OPCML: variants seen among roughly 807,000 people sequenced by gnomAD.
The protein encoded by OPCML is opioid binding protein/cell adhesion molecule like.
A neutral mutation model predicts 37.8 loss-of-function variants in OPCML; 13 were observed. The ratio of observed to expected loss-of-function variants is 0.34; its 90% CI spans 0.22 to 0.55. The LOEUF (loss-of-function observed/expected upper bound fraction) is 0.55, where lower values mean the gene tolerates loss of function less well. OPCML is among the 20% of genes least tolerant of loss of function. OPCML has a pLI of 0.91. For missense variants in OPCML, 341 were observed against 435.6 expected, an observed-to-expected ratio of 0.78 and a Z score of 1.93; for synonymous variants, 176 against 168.8, an observed-to-expected ratio of 1.04 and a Z score of -0.33.
At chr11:133,089,121 A>G (rs986494695) in intron 1 of OPCML, among the ~76,000 whole-genome samples, 1 of 152,244 alleles carries the variant, frequency 6.6e-6, no homozygotes, top group African/African-American at 2.4e-5. Flanking sequence ...AGTGCCAAAA[A>G]GGAGCAGCTG....
chr11:132,670,158 C>G (rs139846022), intron 2 of OPCML, among the ~76,000 whole-genome samples: 1 of 152,150 alleles, frequency 6.6e-6, no homozygotes. Context: ...TTACTCACGA[C>G]CATGTCTGTC....
At chr11:132,769,255 T>C (rs1946560913) in intron 2 of OPCML, among the ~76,000 whole-genome samples, 1 of 151,464 alleles carries the variant, frequency 6.6e-6, no homozygotes, top group African/African-American at 2.4e-5. Flanking sequence ...TTTTTTTTTT[T>C]GAGACGGAGT....
intron 2 of OPCML, among the ~76,000 whole-genome samples, chr11:132,765,214 C>T (rs928157883): frequency 5.3e-5 from 8 of 152,180 alleles, no homozygotes; most frequent in African/African-American, 1.4e-4. Context: ...TGACCTCATC[C>T]ACAGTCTTGT....
At chr11:133,291,640 T>A (rs1036660287) in intron 1 of OPCML, among the ~76,000 whole-genome samples, 11 of 152,242 alleles carry the variant, frequency 7.2e-5, no homozygotes, top group Non-Finnish European at 1.5e-4. Context: ...GCTTCTTATT[T>A]TTTTGGCAAA....
At chr11:132,999,305 A>G (rs1438589677) in intron 1 of OPCML, among the ~76,000 whole-genome samples, 1 of 151,026 alleles carries the variant, frequency 6.6e-6, no homozygotes, top group Non-Finnish European at 1.5e-5. Context: ...TAGCAATGAC[A>G]CTGCCGTTTC....
At position 132,473,109 on chromosome 11, in the gene OPCML, C is replaced by A. The variant is rs1260435044; in HGVS notation, c.506-35750G>T. On this transcript the variant is annotated intron_variant, in intron 4 of 7. Transcript: ENST00000524381. ...GGCAATGAAAAATTCTCATTCAAATCAGTCAACTCTTCCATTAAGGACAAG... is the reference window on the plus strand; with the variant it reads ...GGCAATGAAAAATTCTCATTCAAATAAGTCAACTCTTCCATTAAGGACAAG... Among the ~76,000 whole-genome samples, 4 of 152,212 alleles carry A rather than the reference C, an allele frequency of 2.6e-5. No individual in the cohort carries two copies. In the East Asian group the frequency reaches 7.7e-4, roughly 29 times the overall value.
At chr11:133,198,018 T>C (rs1434118812) in intron 1 of OPCML, among the ~76,000 whole-genome samples, 3 of 152,212 alleles carry the variant, frequency 2.0e-5, no homozygotes, top group Non-Finnish European at 4.4e-5. Context: ...ATTTTCAAGG[T>C]ACTCCTTCCC....
At chr11:133,075,193 G>A (rs1358403053) in intron 1 of OPCML, among the ~76,000 whole-genome samples, 1 of 152,180 alleles carries the variant, frequency 6.6e-6, no homozygotes, top group African/African-American at 2.4e-5. Flanking sequence ...TATTGACACT[G>A]ACAGATATCA....
At chr11:132,490,828 A>G (rs2096213474) in intron 4 of OPCML, among the ~76,000 whole-genome samples, 1 of 151,842 alleles carries the variant, frequency 6.6e-6, no homozygotes, top group Non-Finnish European at 1.5e-5. Flanking sequence ...AAGAAAAAAA[A>G]AAAAAAGAAA....
intron 2 of OPCML, among the ~76,000 whole-genome samples, chr11:132,737,217 A>G (rs1945289030): frequency 6.6e-6 from 1 of 152,164 alleles, no homozygotes; most frequent in Non-Finnish European, 1.5e-5. Context: ...TAGAAAGCGT[A>G]GTAAAATTAG....
intron 1 of OPCML, among the ~76,000 whole-genome samples, chr11:133,269,898 T>A (rs1941775241): frequency 6.6e-6 from 1 of 152,194 alleles, no homozygotes; most frequent in South Asian, 2.1e-4. Flanking sequence ...ATGAAAGAAA[T>A]GAATAAAAAG....
chr11:133,244,905 TGAG>T (rs2136419692), intron 1 of OPCML, among the ~76,000 whole-genome samples: 1 of 152,306 alleles, frequency 6.6e-6, no homozygotes, highest in African/African-American at 2.4e-5. Flanking sequence ...TAATACAGCC[TGAG>T]AAGGTCTGAG....
chr11:133,257,844 C>A (rs563291980), intron 1 of OPCML, among the ~76,000 whole-genome samples: 12 of 145,074 alleles, frequency 8.3e-5, no homozygotes, highest in South Asian at 2.2e-4. Flanking sequence ...CCTTGTCTTT[C>A]TATCTTTTTT....
chr11:132,640,763 G>A (rs772435953), intron 3 of OPCML, among the ~76,000 whole-genome samples: 1 of 152,160 alleles, frequency 6.6e-6, no homozygotes, highest in African/African-American at 2.4e-5. Flanking sequence ...AAGTGGGAAA[G>A]CCTGAGCTCA....
rs1945387744 is a variant in OPCML at position 133,400,831 on chromosome 11, A to C, written c.61+131433T>G. Among the ~76,000 whole-genome samples, 4 of 152,120 alleles carry C rather than the reference A, an allele frequency of 2.6e-5. No homozygotes were observed. In the South Asian group the frequency reaches 8.3e-4, roughly 32 times the overall value. ...TGCCATGACTCAAGTTGGGATCCTA[A>C]GGTAGTAGGTTCCTGAGAAAGCTGC... On this transcript the variant is annotated intron_variant, in intron 1 of 7. Coordinates refer to ENST00000524381, the MANE Select transcript of OPCML (RefSeq NM_001012393.5).
intron 1 of OPCML, among the ~76,000 whole-genome samples, chr11:133,183,777 T>C (rs1363167476): frequency 5.3e-5 from 8 of 152,206 alleles, no homozygotes; most frequent in Non-Finnish European, 4.4e-5. Flanking sequence ...CAGTATGGTT[T>C]AGTGCCAACA....
chr11:133,116,036 C>T (rs928455259), intron 1 of OPCML, among the ~76,000 whole-genome samples: 1 of 152,116 alleles, frequency 6.6e-6, no homozygotes, highest in Non-Finnish European at 1.5e-5. Context: ...GTGGAACGAT[C>T]TCGGCTCACT....
At chr11:132,975,529 C>CAAA (rs56882175) in intron 1 of OPCML, among the ~76,000 whole-genome samples, 21 of 42,794 alleles carry the variant, frequency 4.9e-4, no homozygotes, top group Non-Finnish European at 4.7e-4. Context: ...AGGTTTCAAG[C>CAAA]AAAAAAAAAA....
intron 2 of OPCML, among the ~76,000 whole-genome samples, chr11:132,787,050 T>C (rs911130690): frequency 3.3e-5 from 5 of 152,164 alleles, no homozygotes; most frequent in African/African-American, 1.2e-4. Flanking sequence ...TCTGAATCTA[T>C]AGGTCTAGGG....
Sources: gnomAD v4.1 joint callset for allele counts (sites outside exome capture counted in the v4.1 genomes callset) on GRCh38, gnomAD v4.1.1 for gene constraint, MANE v1.5 for transcripts, NCBI Gene and HGNC (gene_info 2026-07-23, HGNC 2026-07-21) for gene names.